ESR1: variants seen among roughly 807,000 people sequenced by gnomAD.
The protein encoded by ESR1 is estrogen receptor 1.
In ESR1, 12 loss-of-function variants were observed where a neutral mutation model predicts 52.7. The ratio of observed to expected loss-of-function variants is 0.23; its 90% CI spans 0.15 to 0.37. ESR1 has a LOEUF of 0.37. Ranked by LOEUF, ESR1 falls within the 10% of genes least tolerant of loss-of-function variation. The pLI is 1.00. For synonymous variants in ESR1, 305 were observed against 316.8 expected (o/e 0.96, Z 0.39); for missense variants, 584 against 779.7 (o/e 0.75, Z 2.99).
intron 1 of ESR1, among the ~76,000 whole-genome samples, chr6:151,685,327 G>T (rs1778623117): frequency 6.6e-6 from 1 of 151,288 alleles, no homozygotes; most frequent in African/African-American, 2.4e-5. Context: ...TAGAGACGGG[G>T]TTTCACCTTG....
intron 4 of ESR1, among the ~76,000 whole-genome samples, chr6:152,011,388 T>C (rs1175334934): frequency 6.6e-6 from 1 of 152,140 alleles, no homozygotes; most frequent in Non-Finnish European, 1.5e-5. Flanking sequence ...GTATAACACT[T>C]TATAGAAAGC....
At chr6:152,085,403 GAA>G (rs3842100) in intron 6 of ESR1, among the ~76,000 whole-genome samples, 35 of 151,580 alleles carry the variant, frequency 2.3e-4, no homozygotes, top group African/African-American at 7.8e-4. Context: ...TTAACAGCTA[GAA>G]AAAAAAAGTT....
At chr6:151,722,972 T>C (rs11755191) in intron 2 of ESR1, among the ~76,000 whole-genome samples, 2,805 of 152,318 alleles carry the variant, frequency 0.018, 67 homozygotes, top group East Asian at 0.054. Context: ...TATCATACTT[T>C]TTGATCTATG....
At chr6:152,096,402 G>A (rs2050612271) in intron 7 of ESR1, among the ~76,000 whole-genome samples, 2 of 152,142 alleles carry the variant, frequency 1.3e-5, no homozygotes, top group South Asian at 4.1e-4. Context: ...AAACTCCCAG[G>A]CACCACCCTT....
chr6:151,825,201 A>T (rs1781277847), intron 1 of ESR1, among the ~76,000 whole-genome samples: 1 of 152,128 alleles, frequency 6.6e-6, no homozygotes, highest in Non-Finnish European at 1.5e-5. Flanking sequence ...TTCAGGTTGC[A>T]ACACTTTGGG....
At chr6:152,122,639 G>T in intron 6 of ESR1, 1 of 1,614,104 alleles carries the variant, frequency 6.2e-7, no homozygotes, top group Non-Finnish European at 8.5e-7. Context: ...CCTGGCCCTG[G>T]CTCAGAAAGG....
rs186138300 is a variant in ESR1, at chr6:151,704,502, G to A, written c.-71+2497G>A. 1.5e-4 allele frequency among the ~76,000 whole-genome samples: 23 copies of A among 152,224 alleles called. No homozygotes were observed. The East Asian group carries it at 4.3e-3, about 28-fold the overall frequency. ...ACTCCTGACCTCAGGTGATCCACCC[G>A]CCTCAGCCTCCCAAAGTGTTGGGAT... On this transcript the variant is annotated intron_variant, in intron 2 of 2. Transcript: ENST00000404742.
In ESR1 at chr6:151,949,359, G is replaced by A. The variant is rs113965492; in HGVS notation, c.1096+4851G>A. Among the ~76,000 whole-genome samples, 3 of 152,190 alleles carry A rather than the reference G, an allele frequency of 2.0e-5. No individual in the cohort carries two copies. In the East Asian group the frequency reaches 5.8e-4, roughly 29 times the overall value. ...TCTACAAGGAACACACTCAATTCTG[G>A]GAGGTTCCTGTAGATTTCAGAGATT... On this transcript the variant is annotated intron_variant, in intron 4 of 7. Coordinates refer to ENST00000206249, the MANE Select transcript of ESR1 (RefSeq NM_000125.4).
At chr6:152,008,615 T>C (rs1467241378) in intron 4 of ESR1, among the ~76,000 whole-genome samples, 1 of 152,076 alleles carries the variant, frequency 6.6e-6, no homozygotes, top group Non-Finnish European at 1.5e-5. Context: ...GTTTTCCATA[T>C]TGATCGGTTA....
At chr6:151,819,772 C>A (rs1780264292) in intron 1 of ESR1, among the ~76,000 whole-genome samples, 1 of 152,108 alleles carries the variant, frequency 6.6e-6, no homozygotes, top group Non-Finnish European at 1.5e-5. Flanking sequence ...CAAAACCATC[C>A]CCAGTTCCAT....
chr6:151,893,627 T>C (rs1359469770), intron 3 of ESR1, among the ~76,000 whole-genome samples: 1 of 152,180 alleles, frequency 6.6e-6, no homozygotes, highest in African/African-American at 2.4e-5. Context: ...AGAATCAACA[T>C]TTAAAAATTA....
intron 2 of ESR1, among the ~76,000 whole-genome samples, chr6:151,741,398 G>T (rs1194866364): frequency 6.6e-6 from 1 of 152,086 alleles, no homozygotes; most frequent in Non-Finnish European, 1.5e-5. Context: ...GCGCATACGG[G>T]ATAAGGGCAG....
At chr6:152,084,109 C>A (rs2049478439) in intron 6 of ESR1, among the ~76,000 whole-genome samples, 1 of 152,194 alleles carries the variant, frequency 6.6e-6, no homozygotes, top group South Asian at 2.1e-4. Flanking sequence ...AGGATGAGTT[C>A]CTGTCCTTTG....
chr6:151,667,378 A>G (rs1208337249), intron 1 of ESR1, among the ~76,000 whole-genome samples: 3 of 152,216 alleles, frequency 2.0e-5, no homozygotes, highest in Non-Finnish European at 4.4e-5. Context: ...AGTTGCCCAT[A>G]ATACATTACT....
chr6:152,117,414 T>A (rs2051222843), intron 6 of ESR1, among the ~76,000 whole-genome samples: 1 of 152,244 alleles, frequency 6.6e-6, no homozygotes, highest in Non-Finnish European at 1.5e-5. Context: ...TCTTCTCGAT[T>A]GCCTGTAGCA....
At chr6:152,041,924 A>G (rs2045833926) in intron 5 of ESR1, among the ~76,000 whole-genome samples, 1 of 152,192 alleles carries the variant, frequency 6.6e-6, no homozygotes, top group Admixed American at 6.5e-5. Flanking sequence ...TAATGAACCC[A>G]TATCTGGTCC....
chr6:151,815,132 T>TC (rs1320419072), intron 1 of ESR1, among the ~76,000 whole-genome samples: 1 of 152,222 alleles, frequency 6.6e-6, no homozygotes. Flanking sequence ...AGAAACATAG[T>TC]TGATTTTAAA....
intron 2 of ESR1, among the ~76,000 whole-genome samples, chr6:151,785,481 T>C (rs1210291062): frequency 6.6e-6 from 1 of 152,196 alleles, no homozygotes; most frequent in East Asian, 1.9e-4. Flanking sequence ...CCCATTAATA[T>C]CTCAGTGTGA....
chr6:151,918,182 C>T (rs1009186683), intron 3 of ESR1, among the ~76,000 whole-genome samples: 1 of 152,204 alleles, frequency 6.6e-6, no homozygotes, highest in Admixed American at 6.5e-5. Context: ...GTTGCAGCTG[C>T]TCCCTTCCCT....
Sources: allele counts gnomAD v4.1 joint callset (sites outside exome capture counted in the v4.1 genomes callset), GRCh38; gene constraint gnomAD v4.1.1; transcripts MANE v1.5; gene names NCBI Gene and HGNC (gene_info 2026-07-23, HGNC 2026-07-21).